SLC25A12: variants seen among roughly 807,000 people sequenced by gnomAD.
The protein encoded by SLC25A12 is electrogenic aspartate/glutamate antiporter SLC25A12, mitochondrial.
In SLC25A12, 32 loss-of-function variants were observed where a neutral mutation model predicts 83.3. That is an observed-to-expected ratio of 0.38 (90% CI 0.29 to 0.52). The LOEUF is 0.52. SLC25A12 is among the 20% of genes least tolerant of loss of function. The pLI is 0.84. For missense variants in SLC25A12, 611 were observed against 835.6 expected, an observed-to-expected ratio of 0.73 and a Z score of 3.31; for synonymous variants, 267 against 291.1, an observed-to-expected ratio of 0.92 and a Z score of 0.84.
chr2:171,887,045 T>C (rs1685836965), intron 2 of SLC25A12, among the ~76,000 whole-genome samples: 1 of 152,232 alleles, frequency 6.6e-6, no homozygotes, highest in Non-Finnish European at 1.5e-5. Flanking sequence ...CTAATGTATA[T>C]TTCAACAAAG....
rs888162660 is a variant in SLC25A12 at position 171,793,898 on chromosome 2, G to T, written c.1306-131C>A. On this transcript the variant is annotated intron_variant, in intron 13 of 17. Transcript: ENST00000422440. ...AAGGAGGTGAAACTTCCTTCCTCAG[G>T]GGGGAATGACAGTTTGACACTTAGG... The T allele has an allele frequency of 1.1e-5, 12 of 1,049,586 alleles. No homozygotes were observed. In the South Asian group the frequency reaches 1.3e-4, roughly 12 times the overall value. 65.0% of individuals were successfully genotyped at this position (1,049,586 alleles called of 1,614,324 possible).
At chr2:171,836,995 C>G (rs1287262853) in intron 6 of SLC25A12, 126 bp downstream of exon 6, 1 of 877,024 alleles carries the variant, frequency 1.1e-6, no homozygotes, top group Non-Finnish European at 1.8e-6. Flanking sequence ...AACCTGTTTA[C>G]TTTCTACCAA....
intron 11 of SLC25A12, 141 bp from the exon 12 acceptor site, chr2:171,810,417 A>G (rs1004277539): frequency 1.1e-5 from 8 of 752,444 alleles, no homozygotes; most frequent in African/African-American, 7.0e-5. Context: ...GATTATCCTT[A>G]AAACTCTGTA....
At chr2:171,837,370 A>G in intron 5 of SLC25A12, 103 bp from the exon 6 acceptor site, 3 of 1,221,510 alleles carry the variant, frequency 2.5e-6, no homozygotes, top group Non-Finnish European at 3.6e-6. Context: ...ACATGTACTT[A>G]CTACAAAACA....
chr2:171,793,316 A>G (rs10167419), intron 14 of SLC25A12, among the ~76,000 whole-genome samples: 46,308 of 151,716 alleles, frequency 0.31, 7,595 homozygotes, highest in African/African-American at 0.43. Flanking sequence ...CCCTAAACCA[A>G]CCCAAAGAGA....
chr2:171,848,333 G>A (rs1302866918), intron 4 of SLC25A12: 7 of 468,366 alleles, frequency 1.5e-5, no homozygotes, highest in African/African-American at 4.0e-5. Flanking sequence ...TCAGCCCAAC[G>A]ACATCCTTAT....
At chr2:171,815,709 TATA>T (rs1319308359) in intron 9 of SLC25A12, among the ~76,000 whole-genome samples, 1 of 152,102 alleles carries the variant, frequency 6.6e-6, no homozygotes, top group East Asian at 1.9e-4. Flanking sequence ...CATAAAAATC[TATA>T]ATAATAAAAA....
At chr2:171,820,485 T>G in intron 9 of SLC25A12, among the ~76,000 whole-genome samples, 1 of 150,522 alleles carries the variant, frequency 6.6e-6, no homozygotes, top group East Asian at 2.0e-4. Flanking sequence ...TCCCAACACT[T>G]TGGGAGGCCG....
intron 2 of SLC25A12, among the ~76,000 whole-genome samples, chr2:171,876,141 G>A (rs539870437): frequency 1.2e-4 from 19 of 152,214 alleles, no homozygotes; most frequent in African/African-American, 3.4e-4. Context: ...AGTATCTGGG[G>A]TTATAAATGA....
chr2:171,793,848 C>T, intron 13 of SLC25A12, 81 bp from the exon 14 acceptor site: 1 of 1,488,324 alleles, frequency 6.7e-7, no homozygotes. Flanking sequence ...CCAGCAAAGC[C>T]TCCACATCTT....
chr2:171,834,384 C>T (rs1684511437), intron 7 of SLC25A12: 1 of 427,514 alleles, frequency 2.3e-6, no homozygotes, highest in Non-Finnish European at 4.2e-6. Flanking sequence ...GTTCTCCAGT[C>T]ATTCAAAACA....
At chr2:171,801,854 CATGAT>C (rs1443732892) in intron 13 of SLC25A12, among the ~76,000 whole-genome samples, 1 of 151,664 alleles carries the variant, frequency 6.6e-6, no homozygotes, top group East Asian at 1.9e-4. Flanking sequence ...ATTTCCAACT[CATGAT>C]AGGTTTATTA....
intron 9 of SLC25A12, among the ~76,000 whole-genome samples, chr2:171,824,210 G>A (rs574416512): frequency 6.6e-6 from 1 of 152,134 alleles, no homozygotes; most frequent in Non-Finnish European, 1.5e-5. Flanking sequence ...AAGCATCAGC[G>A]CTGCCACTGA....
intron 2 of SLC25A12, among the ~76,000 whole-genome samples, chr2:171,873,306 G>A (rs1685495561): frequency 1.3e-5 from 2 of 152,108 alleles, no homozygotes; most frequent in Non-Finnish European, 2.9e-5. Context: ...AAATTAGCTA[G>A]GTGTGGTGGC....
intron 10 of SLC25A12, 63 bp downstream of exon 10, chr2:171,815,058 C>G (rs1684022474): frequency 7.5e-7 from 1 of 1,329,294 alleles, no homozygotes; most frequent in Non-Finnish European, 1.1e-6. Flanking sequence ...TGATCTGCCT[C>G]AGTCTGGTGA....
Position 171,834,882 on chromosome 2 carries a change from C to G in SLC25A12, c.613-17G>C. 6.2e-7 allele frequency: 1 copy of G among 1,612,096 alleles called. No homozygotes were observed. Among genetic ancestry groups the G allele is most frequent in the Non-Finnish European group, 8.5e-7 (1 of 1,179,070 alleles). On this transcript the variant is annotated splice_polypyrimidine_tract_variant and intron_variant, in intron 6 of 17. Transcript: ENST00000422440. The stretch of plus-strand genomic sequence containing the variant: ...TCCAGCTGCCTAGAAAATGACAACA[C>G]AAAAAGTTTAAAAAACAAACAAAAA...
intron 2 of SLC25A12, among the ~76,000 whole-genome samples, chr2:171,886,029 T>C (rs963006541): frequency 1.3e-5 from 2 of 152,214 alleles, no homozygotes; most frequent in South Asian, 2.1e-4. Context: ...ACATATTATA[T>C]GTAAACATAC....
At chr2:171,837,420 T>A (rs1464105360) in intron 5 of SLC25A12, among the ~76,000 whole-genome samples, 153 bp from the exon 6 acceptor site, 1 of 152,196 alleles carries the variant, frequency 6.6e-6, no homozygotes, top group Non-Finnish European at 1.5e-5. Flanking sequence ...AACTTTTAAT[T>A]TCTTTCAAAA....
At chr2:171,802,229 C>A (rs1426314355) in intron 13 of SLC25A12, among the ~76,000 whole-genome samples, 2 of 152,142 alleles carry the variant, frequency 1.3e-5, no homozygotes, top group Non-Finnish European at 2.9e-5. Context: ...TGGCCTTGAA[C>A]TCCTAGGCTC....
Sources: gnomAD v4.1 joint callset for allele counts (sites outside exome capture counted in the v4.1 genomes callset) on GRCh38, gnomAD v4.1.1 for gene constraint, MANE v1.5 for transcripts, NCBI Gene and HGNC (gene_info 2026-07-23, HGNC 2026-07-21) for gene names.